The following SENP7 variants were observed in gnomAD, a reference collection of about 807,000 sequenced individuals.
SENP7 encodes the protein SUMO specific peptidase 7.
Under a neutral mutation model 141.2 loss-of-function variants are expected in SENP7, and 64 were observed. The ratio of observed to expected loss-of-function variants is 0.45; its 90% confidence interval spans 0.37 to 0.56. SENP7 has a LOEUF of 0.56. Ranked by LOEUF, SENP7 falls within the 20% of genes least tolerant of loss-of-function variation. SENP7 has a pLI of 0.00. For missense variants in SENP7, 1,025 were observed against 1,212.2 expected, an observed-to-expected ratio of 0.85 and a Z score of 2.29; for synonymous variants, 382 against 426.4, an observed-to-expected ratio of 0.90 and a Z score of 1.28.
intron 4 of SENP7, among the ~76,000 whole-genome samples, chr3:101,455,002 T>C (rs888258630): frequency 6.6e-6 from 1 of 152,198 alleles, no homozygotes; most frequent in Non-Finnish European, 1.5e-5. Flanking sequence ...ATGTAAATTA[T>C]ATCACAATAA....
In SENP7 at chr3:101,325,680, A is replaced by C. The variant is rs1166639806; in HGVS notation, c.*263T>G. The C allele has an allele frequency of 2.6e-5, 5 of 194,904 alleles. No homozygotes were observed. Among genetic ancestry groups the C allele is most frequent in the Non-Finnish European group, 5.2e-5 (5 of 96,984 alleles). 12.1% of individuals were successfully genotyped at this position (194,904 alleles called of 1,614,324 possible). A position where few individuals can be genotyped will look rare whatever the true frequency, so the allele number is the denominator to read the frequency against. On this transcript the variant is annotated 3_prime_UTR_variant, in exon 24 of 24. Coordinates refer to ENST00000394095, the MANE Select transcript of SENP7 (RefSeq NM_020654.5). ...ACATATGCTGTTGCATAATCCAATC[A>C]TATTTACTCAGAAAAATATGAAATA... is the stretch of plus-strand genomic sequence containing the variant.
At chr3:101,328,446 C>G (rs2058962219) in intron 22 of SENP7, 32 bp downstream of exon 22, 1 of 1,535,536 alleles carries the variant, frequency 6.5e-7, no homozygotes, top group Non-Finnish European at 9.0e-7. Context: ...TTTTAGATAA[C>G]AGACTGGAAT....
At chr3:101,365,267 T>G (rs1405141784) in intron 9 of SENP7, among the ~76,000 whole-genome samples, 2 of 151,736 alleles carry the variant, frequency 1.3e-5, no homozygotes, top group Admixed American at 1.3e-4. Context: ...CCTCCCAAAG[T>G]GCTGGGATTA....
At chr3:101,451,875 A>G (rs574271254) in intron 4 of SENP7, among the ~76,000 whole-genome samples, 4 of 152,280 alleles carry the variant, frequency 2.6e-5, no homozygotes, top group East Asian at 1.9e-4. Flanking sequence ...CAATCAGGCA[A>G]GAGAAGGAAA....
intron 5 of SENP7, 24 bp downstream of exon 5, chr3:101,417,569 C>A (rs1415353062): frequency 6.3e-7 from 1 of 1,581,462 alleles, no homozygotes; most frequent in East Asian, 2.2e-5. Context: ...GTAAGTTGAA[C>A]AAAATCAATA....
chr3:101,508,634 T>G (rs1044268637), intron 1 of SENP7, among the ~76,000 whole-genome samples: 2 of 152,152 alleles, frequency 1.3e-5, no homozygotes, highest in African/African-American at 4.8e-5. Flanking sequence ...GGAAAACTGT[T>G]CCTTACAGCT....
chr3:101,345,195 T>C (rs1049708342), intron 13 of SENP7, among the ~76,000 whole-genome samples: 2 of 148,946 alleles, frequency 1.3e-5, no homozygotes, highest in African/African-American at 4.9e-5. Flanking sequence ...CTATGTGAGC[T>C]CTTTTTTGGT....
At chr3:101,410,352 T>C (rs2061419495) in intron 5 of SENP7, among the ~76,000 whole-genome samples, 1 of 152,154 alleles carries the variant, frequency 6.6e-6, no homozygotes, top group Non-Finnish European at 1.5e-5. Context: ...GGACAACCAC[T>C]GTGGAAAACA....
At chr3:101,382,560 T>C (rs1418505455) in intron 6 of SENP7, among the ~76,000 whole-genome samples, 1 of 152,222 alleles carries the variant, frequency 6.6e-6, no homozygotes, top group Non-Finnish European at 1.5e-5. Context: ...TATAAAGTAT[T>C]TCTAAAAATC....
At chr3:101,471,261 G>A (rs1171112060) in intron 3 of SENP7, among the ~76,000 whole-genome samples, 1 of 151,996 alleles carries the variant, frequency 6.6e-6, no homozygotes, top group East Asian at 1.9e-4. Flanking sequence ...ATACTACAAG[G>A]CTACAGTAAC....
At position 101,449,337 on chromosome 3, in the gene SENP7, C is replaced by T. The variant is rs548745250; in HGVS notation, c.284+9618G>A. ...GGAGAACTTCCCCAATCTAGCAAGG[C>T]AGGCCAACATTCAAATTCAGGAAAT... On this transcript the variant is annotated intron_variant, in intron 4 of 23. Coordinates refer to ENST00000394095, the MANE Select transcript of SENP7 (RefSeq NM_020654.5). 2.0e-5 allele frequency among the ~76,000 whole-genome samples: 3 copies of T among 152,252 alleles called. No homozygotes were observed. The South Asian group carries it at 6.2e-4, about 32-fold the overall frequency.
At chr3:101,396,034 T>C (rs2060958970) in intron 6 of SENP7, among the ~76,000 whole-genome samples, 1 of 152,214 alleles carries the variant, frequency 6.6e-6, no homozygotes, top group Non-Finnish European at 1.5e-5. Flanking sequence ...GTAAGAAACC[T>C]GTCCAAGGTA....
chr3:101,425,373 G>C (rs574301289), intron 4 of SENP7, among the ~76,000 whole-genome samples: 5 of 152,188 alleles, frequency 3.3e-5, no homozygotes, highest in South Asian at 2.1e-4. Context: ...CAGAGTTAGA[G>C]CACACAGTCC....
At chr3:101,479,645 A>G (rs1323014287) in intron 3 of SENP7, among the ~76,000 whole-genome samples, 1 of 151,438 alleles carries the variant, frequency 6.6e-6, no homozygotes. Flanking sequence ...ATATGCAGAT[A>G]TGATGAACGA....
At chr3:101,393,865 G>T (rs1017404598) in intron 6 of SENP7, among the ~76,000 whole-genome samples, 1 of 152,064 alleles carries the variant, frequency 6.6e-6, no homozygotes. Flanking sequence ...TCATTCTCAC[G>T]GGTACATATG....
chr3:101,427,468 T>G, intron 4 of SENP7, among the ~76,000 whole-genome samples: 1 of 136,270 alleles, frequency 7.3e-6, no homozygotes. Context: ...CCAGGTTGGG[T>G]GACAGAGCAA....
chr3:101,475,210 C>A (rs1322277965), intron 3 of SENP7, among the ~76,000 whole-genome samples: 1 of 152,118 alleles, frequency 6.6e-6, no homozygotes, highest in Non-Finnish European at 1.5e-5. Flanking sequence ...TGGGTATACA[C>A]CCAAAGGAAT....
chr3:101,399,624 A>G (rs565933873), intron 5 of SENP7, among the ~76,000 whole-genome samples: 6 of 152,320 alleles, frequency 3.9e-5, no homozygotes, highest in African/African-American at 1.4e-4. Flanking sequence ...ATACATTTAA[A>G]TGTTTAGAAA....
chr3:101,430,413 T>C (rs1261943451), intron 4 of SENP7, among the ~76,000 whole-genome samples: 1 of 152,220 alleles, frequency 6.6e-6, no homozygotes, highest in Admixed American at 6.5e-5. Flanking sequence ...GGTTTAATCT[T>C]AGGAGGGTAT....
Sources: gnomAD v4.1 joint callset for allele counts (sites outside exome capture counted in the v4.1 genomes callset) on GRCh38, gnomAD v4.1.1 for gene constraint, MANE v1.5 for transcripts, NCBI Gene and HGNC (gene_info 2026-07-23, HGNC 2026-07-21) for gene names.